The following ARHGAP32 variants were observed in gnomAD, a reference collection of about 807,000 sequenced individuals.
ARHGAP32 encodes Rho GTPase activating protein 32, also known as rho GTPase-activating protein 32.
In ARHGAP32, 51 loss-of-function variants were observed where a neutral mutation model predicts 186.5. That is an observed-to-expected ratio of 0.27 (90% CI 0.22 to 0.35). ARHGAP32 has a LOEUF of 0.35. ARHGAP32 is among the 10% of genes least tolerant of loss of function. The probability of loss-of-function intolerance (pLI) is 1.00; values close to 1 mark genes in which losing one functional copy is unlikely to be tolerated. For synonymous variants in ARHGAP32, 950 were observed against 964.3 expected, an observed-to-expected ratio of 0.99 and a Z score of 0.27; for missense variants, 2,186 against 2,623.5, an observed-to-expected ratio of 0.83 and a Z score of 3.64.
At chr11:129,251,245 CTCTT>C (rs1166736028) in intron 1 of ARHGAP32, among the ~76,000 whole-genome samples, 1 of 152,136 alleles carries the variant, frequency 6.6e-6, no homozygotes, top group East Asian at 1.9e-4. Flanking sequence ...CATCTCTTCT[CTCTT>C]TCAATGAAAT....
At chr11:129,244,833 A>C (rs897133122) in intron 1 of ARHGAP32, among the ~76,000 whole-genome samples, 5 of 152,118 alleles carry the variant, frequency 3.3e-5, no homozygotes, top group African/African-American at 1.2e-4. Context: ...ATGCAGCCAA[A>C]AAACACATGA....
intron 2 of ARHGAP32, among the ~76,000 whole-genome samples, chr11:129,148,697 G>A (rs1003684741): frequency 1.3e-5 from 2 of 152,194 alleles, no homozygotes; most frequent in African/African-American, 4.8e-5. Context: ...GGGGCAAGGT[G>A]GGAAAGCCAT....
chr11:129,042,058 T>C (rs1394076348), intron 10 of ARHGAP32, among the ~76,000 whole-genome samples: 1 of 152,234 alleles, frequency 6.6e-6, no homozygotes, highest in African/African-American at 2.4e-5. Flanking sequence ...CTTATTTCAA[T>C]TTCTAGATCC....
chr11:129,227,974 T>C (rs1401639045), intron 1 of ARHGAP32, among the ~76,000 whole-genome samples: 2 of 152,060 alleles, frequency 1.3e-5, no homozygotes, highest in Admixed American at 6.6e-5. Flanking sequence ...ATAGAACATG[T>C]GGTAGGTCAT....
chr11:129,035,924 A>T (rs1939314309), intron 11 of ARHGAP32, among the ~76,000 whole-genome samples: 1 of 152,214 alleles, frequency 6.6e-6, no homozygotes. Flanking sequence ...TTTTGAAGGT[A>T]CGCTAGGTTT....
chr11:129,179,801 G>A (rs1321585246), intron 1 of ARHGAP32, among the ~76,000 whole-genome samples: 1 of 151,886 alleles, frequency 6.6e-6, no homozygotes, highest in Non-Finnish European at 1.5e-5. Context: ...TTGTGGGGTG[G>A]GGGGACGGGG....
chr11:129,123,657 G>T lies in ARHGAP32; in HGVS notation c.360-127C>A. The T allele has an allele frequency of 1.2e-6, 1 of 832,338 alleles. No homozygotes were observed. Among genetic ancestry groups the T allele is most frequent in the Non-Finnish European group, 1.9e-6 (1 of 514,264 alleles). The allele number at this position is 832,338 out of a possible 1,614,324, so 51.6% of individuals were successfully genotyped here. On this transcript the variant is annotated intron_variant, in intron 4 of 22. Coordinates refer to ENST00000682385, the MANE Select transcript of ARHGAP32 (RefSeq NM_001378024.1). This position sits in a 1 kb window ranked among gnomAD's most constrained non-coding sequence, Gnocchi z 4.6. ...ATATTTCGTAAGCACATGCGCATGA[G>T]CCACACATATCCGCACAAATCCTCT...
intron 1 of ARHGAP32, among the ~76,000 whole-genome samples, chr11:129,167,393 C>G (rs991996977): frequency 3.3e-5 from 5 of 152,012 alleles, no homozygotes; most frequent in Non-Finnish European, 4.4e-5. Flanking sequence ...AATAAAAACA[C>G]GTCTACCAAG....
At chr11:128,976,431 T>C (rs1035142956) in intron 20 of ARHGAP32, 132 bp downstream of exon 20, 12 of 687,080 alleles carry the variant, frequency 1.7e-5, no homozygotes, top group East Asian at 1.3e-4. Flanking sequence ...TAATACTAAA[T>C]AGACACTAGT....
Position 129,216,515 on chromosome 11 carries a change from A to T in ARHGAP32, c.-4-52088T>A, listed in dbSNP as rs575519723. ...TGGTGAAATCCTGACCTTCCTAAAA[A>T]TACAAAAATTAGCCCAGCATGGTGG... On this transcript the variant is annotated intron_variant, in intron 1 of 6. Coordinates refer to the ARHGAP32 transcript ENST00000525234. 7.9e-5 allele frequency among the ~76,000 whole-genome samples: 12 copies of T among 151,988 alleles called. No homozygotes were observed. In the East Asian group the frequency reaches 1.9e-3, roughly 25 times the overall value.
At chr11:129,269,058 T>C (rs1025363653) in intron 1 of ARHGAP32, among the ~76,000 whole-genome samples, 4 of 151,890 alleles carry the variant, frequency 2.6e-5, no homozygotes, top group Non-Finnish European at 5.9e-5. Context: ...ATCACTTGAG[T>C]CCAGGAGTTC....
intron 11 of ARHGAP32, among the ~76,000 whole-genome samples, chr11:129,035,531 C>T (rs1939295231): frequency 6.6e-6 from 1 of 152,180 alleles, no homozygotes; most frequent in Admixed American, 6.5e-5. Context: ...GAATTCACAT[C>T]ATCCTTTTCA....
Position 129,032,745 on chromosome 11 carries a change from A to T in ARHGAP32, c.1045+8183T>A, listed in dbSNP as rs545687124. Among the ~76,000 whole-genome samples the T allele has an allele frequency of 4.6e-5, 7 of 152,368 alleles. No individual in the cohort carries two copies. The East Asian group carries it at 1.2e-3, about 25-fold the overall frequency. ...TGGATGGAAAAAATATTTTTTAAAA[A>T]TGCAAAGTGACCAATTCAAAAATAG... On this transcript the variant is annotated intron_variant, in intron 11 of 22. Transcript: ENST00000682385.
At chr11:128,982,658 A>G (rs1945741112) in intron 15 of ARHGAP32, among the ~76,000 whole-genome samples, 1 of 152,112 alleles carries the variant, frequency 6.6e-6, no homozygotes, top group Admixed American at 6.5e-5. Context: ...AGGCTGAGGC[A>G]GGCAGATCAC....
At chr11:128,992,253 T>C (rs1379247862) in intron 12 of ARHGAP32, among the ~76,000 whole-genome samples, 1 of 152,186 alleles carries the variant, frequency 6.6e-6, no homozygotes, top group East Asian at 1.9e-4. Flanking sequence ...ATATTTGTAA[T>C]ATTTTGTACC....
intron 2 of ARHGAP32, among the ~76,000 whole-genome samples, chr11:129,138,988 A>G (rs1045146504): frequency 1.1e-4 from 17 of 152,192 alleles, no homozygotes; most frequent in African/African-American, 4.1e-4. Context: ...CAGGCATATA[A>G]AAAGTTCAGA....
At chr11:128,999,379 T>G (rs1187803403) in intron 11 of ARHGAP32, among the ~76,000 whole-genome samples, 1 of 152,226 alleles carries the variant, frequency 6.6e-6, no homozygotes, top group East Asian at 1.9e-4. Context: ...GTTAAAATGT[T>G]TATCAATGAC....
In ARHGAP32 at chr11:128,980,747, A is replaced by C; in HGVS notation, c.1782T>G (p.Ala594=). ...RISMAMQEGA[A]SLSRPKSLLV... ...GGAGGGACTTGGGCCTTGATAGAGAAGCTTCAAAAAGAAAAGGAAGCTGAT... is the reference window on the plus strand; with the variant it reads ...GGAGGGACTTGGGCCTTGATAGAGACGCTTCAAAAAGAAAAGGAAGCTGAT... Residue 594 remains alanine (A), a splice_region_variant and synonymous_variant, in exon 18 of 23, where the codon GCT becomes GCG. Coordinates refer to ENST00000682385, the MANE Select transcript of ARHGAP32 (RefSeq NM_001378024.1). 6.3e-7 allele frequency: 1 copy of C among 1,597,676 alleles called. No individual in the cohort carries two copies. The highest frequency in any genetic ancestry group is 8.5e-7 in the Non-Finnish European group (1 of 1,173,818).
rs1945244555 is a variant in ARHGAP32 at position 128,967,374 on chromosome 11, G to A, written c.*1533C>T. The A allele has an allele frequency of 6.6e-6, 1 of 152,180 alleles. No homozygotes were observed. The highest frequency in any genetic ancestry group is 6.5e-5 in the Admixed American group (1 of 15,282). 9.4% of individuals were successfully genotyped at this position (152,180 alleles called of 1,614,324 possible). On this transcript the variant is annotated 3_prime_UTR_variant, in exon 23 of 23. Transcript: ENST00000682385. ...GTAATTGGAATGCAATTCTCCTAGT[G>A]TCTTCTACAGACCGAGCATTTAAAA...
Sources: allele counts gnomAD v4.1 joint callset (sites outside exome capture counted in the v4.1 genomes callset), GRCh38; gene constraint gnomAD v4.1.1; non-coding constraint Gnocchi (gnomAD v3.1); transcripts MANE v1.5; gene names NCBI Gene and HGNC (gene_info 2026-07-23, HGNC 2026-07-21).